The following SLC35F3 variants were observed in gnomAD, a reference collection of about 807,000 sequenced individuals.
SLC35F3 encodes solute carrier family 35 member F3.
SLC35F3 carries 25 observed loss-of-function variants against 49.9 expected under a neutral mutation model. The observed-to-expected ratio is 0.50, with a 90% CI of 0.37 to 0.70. SLC35F3 has a LOEUF of 0.70. Ranked by LOEUF, SLC35F3 falls within the 30% of genes least tolerant of loss-of-function variation. SLC35F3 has a pLI of 0.00. For synonymous variants in SLC35F3, 275 were observed against 265.4 expected, an observed-to-expected ratio of 1.04 and a Z score of -0.35; for missense variants, 525 against 639.8, an observed-to-expected ratio of 0.82 and a Z score of 1.94.
chr1:233,954,127 C>G (rs963617478), intron 2 of SLC35F3, among the ~76,000 whole-genome samples: 3 of 152,120 alleles, frequency 2.0e-5, no homozygotes, highest in Non-Finnish European at 4.4e-5. Context: ...CTGCCTCGGC[C>G]TCCCGAGTAG....
intron 3 of SLC35F3, among the ~76,000 whole-genome samples, chr1:234,295,141 C>A (rs953377589): frequency 6.6e-6 from 1 of 152,228 alleles, no homozygotes; most frequent in Non-Finnish European, 1.5e-5. Context: ...TTCCTGCAGC[C>A]TGCTTTAGTG....
chr1:233,965,821 C>T (rs745989002), intron 2 of SLC35F3, among the ~76,000 whole-genome samples: 14 of 152,194 alleles, frequency 9.2e-5, no homozygotes, highest in East Asian at 1.9e-4. Flanking sequence ...ATAATTAATG[C>T]GTGCTGTCAT....
At position 234,214,418 on chromosome 1, in the gene SLC35F3, CG is replaced by C; in HGVS notation, c.284-16996del. ...CGGCGGCAGAGGGCCGCGTCGGCCA[CG>C]GGCCCGGGAGAGACGCGCTCCAGCC... On this transcript the variant is annotated intron_variant, in intron 2 of 7. Coordinates refer to ENST00000366618, the MANE Select transcript of SLC35F3 (RefSeq NM_173508.4). The surrounding 1 kb of genome is among the most constrained non-coding windows in gnomAD (Gnocchi z 8.0). 7.1e-7 allele frequency: 1 copy of C among 1,417,080 alleles called. No homozygotes were observed. The highest frequency in any genetic ancestry group is 9.2e-7 in the Non-Finnish European group (1 of 1,082,168). 87.8% of individuals were successfully genotyped at this position (1,417,080 alleles called of 1,614,324 possible). A position where few individuals can be genotyped will look rare whatever the true frequency, so the allele number is the denominator to read the frequency against.
chr1:233,948,251 G>A (rs973177837), intron 2 of SLC35F3, among the ~76,000 whole-genome samples: 1 of 150,510 alleles, frequency 6.6e-6, no homozygotes, highest in African/African-American at 2.5e-5. Flanking sequence ...GAGAGAGAGA[G>A]AGAGAATGTG....
chr1:233,991,144 C>G (rs79849656), intron 2 of SLC35F3, among the ~76,000 whole-genome samples: 1 of 152,254 alleles, frequency 6.6e-6, no homozygotes, highest in South Asian at 2.1e-4. Flanking sequence ...AAGGCTGGAC[C>G]TCTGGCACAG....
At chr1:233,966,703 A>C (rs1662911445) in intron 2 of SLC35F3, among the ~76,000 whole-genome samples, 1 of 152,268 alleles carries the variant, frequency 6.6e-6, no homozygotes, top group Non-Finnish European at 1.5e-5. Context: ...ATTCATTTAA[A>C]GAACAGCTTT....
chr1:234,240,582 G>T (rs1667537669), intron 3 of SLC35F3, among the ~76,000 whole-genome samples: 1 of 151,822 alleles, frequency 6.6e-6, no homozygotes, highest in African/African-American at 2.4e-5. Context: ...TCCAGCCTGG[G>T]TGACAGAGTG....
intron 3 of SLC35F3, among the ~76,000 whole-genome samples, chr1:234,241,527 G>A (rs564965433): frequency 9.9e-5 from 15 of 152,236 alleles, no homozygotes; most frequent in African/African-American, 3.1e-4. Context: ...CCTGAAGTCA[G>A]GAGTTCAAGA....
In SLC35F3 at chr1:233,905,908, G is replaced by A; in HGVS notation, c.283+150G>A. On this transcript the variant is annotated intron_variant, in intron 2 of 7. Transcript: ENST00000366618. ...GACCCAGGTTTGCAACTTCGAGGAA[G>A]AGGCCCGGAGACGGAGTTCTCCTGG... is the stretch of plus-strand genomic sequence containing the variant. The A allele has an allele frequency of 7.1e-6, 5 of 703,946 alleles. No homozygotes were observed. The South Asian group carries it at 9.5e-5, about 13-fold the overall frequency. The allele number at this position is 703,946 out of a possible 1,614,324, so 43.6% of individuals were successfully genotyped here.
chr1:234,025,123 A>G (rs1020051262), intron 2 of SLC35F3, among the ~76,000 whole-genome samples: 3 of 152,212 alleles, frequency 2.0e-5, no homozygotes, highest in Non-Finnish European at 4.4e-5. Flanking sequence ...CTCCGGCCAC[A>G]TTCATGTTGG....
chr1:234,277,313 G>A (rs2102978783), intron 3 of SLC35F3, among the ~76,000 whole-genome samples: 1 of 152,328 alleles, frequency 6.6e-6, no homozygotes, highest in South Asian at 2.1e-4. Flanking sequence ...ACAGGATGGT[G>A]TGGTTTGGAG....
chr1:234,002,809 G>A (rs1463799626), intron 2 of SLC35F3, among the ~76,000 whole-genome samples: 2 of 152,102 alleles, frequency 1.3e-5, no homozygotes, highest in Non-Finnish European at 2.9e-5. Context: ...AGGGAGAATT[G>A]TCTCTCATCC....
chr1:234,100,216 A>G (rs1411492245), intron 2 of SLC35F3, among the ~76,000 whole-genome samples: 3 of 152,220 alleles, frequency 2.0e-5, no homozygotes, highest in South Asian at 2.1e-4. Flanking sequence ...ACTTTCTCCA[A>G]TCCTACCTTT....
intron 2 of SLC35F3, among the ~76,000 whole-genome samples, chr1:234,102,189 C>T (rs558794759): frequency 5.3e-5 from 8 of 152,328 alleles, no homozygotes; most frequent in African/African-American, 1.9e-4. Context: ...CCCCTGGGAC[C>T]TCTTTAGAGA....
intron 2 of SLC35F3, among the ~76,000 whole-genome samples, chr1:234,196,499 C>T (rs1161722232): frequency 6.6e-6 from 1 of 152,266 alleles, no homozygotes; most frequent in Non-Finnish European, 1.5e-5. Context: ...CCTCCTGGCA[C>T]TAAGCCCCAA....
intron 2 of SLC35F3, among the ~76,000 whole-genome samples, chr1:234,139,147 C>T (rs901431383): frequency 6.6e-6 from 1 of 152,184 alleles, no homozygotes; most frequent in African/African-American, 2.4e-5. Context: ...TTATGTCCTT[C>T]TAACAACCCT....
At chr1:234,266,257 G>C (rs1452485205) in intron 3 of SLC35F3, among the ~76,000 whole-genome samples, 1 of 152,064 alleles carries the variant, frequency 6.6e-6, no homozygotes, top group East Asian at 1.9e-4. Flanking sequence ...AAAAAATACA[G>C]TAGAAAATGG....
At chr1:234,009,236 A>G (rs1184474994) in intron 2 of SLC35F3, among the ~76,000 whole-genome samples, 2 of 152,226 alleles carry the variant, frequency 1.3e-5, no homozygotes, top group African/African-American at 2.4e-5. Context: ...CTATTTTTCA[A>G]ATGTATTTTG....
chr1:234,070,300 C>A (rs561953436), intron 2 of SLC35F3, among the ~76,000 whole-genome samples: 1 of 152,216 alleles, frequency 6.6e-6, no homozygotes, highest in African/African-American at 2.4e-5. Flanking sequence ...ATGAAGCCTG[C>A]AGGCTGCCTG....
Sources: gnomAD v4.1 joint callset for allele counts (sites outside exome capture counted in the v4.1 genomes callset) on GRCh38, gnomAD v4.1.1 for gene constraint, Gnocchi (gnomAD v3.1) non-coding constraint, MANE v1.5 for transcripts, NCBI Gene and HGNC (gene_info 2026-07-23, HGNC 2026-07-21) for gene names.